ROR1: variants seen among roughly 807,000 people sequenced by gnomAD.
ROR1 encodes the protein inactive tyrosine-protein kinase transmembrane receptor ROR1.
ROR1 carries 19 observed loss-of-function variants against 78.8 expected under a neutral mutation model. That is an observed-to-expected ratio of 0.24 (90% CI 0.17 to 0.35). The LOEUF is 0.35. Ranked by LOEUF, ROR1 falls within the 10% of genes least tolerant of loss-of-function variation. ROR1 has a pLI of 1.00. For missense variants in ROR1, 917 were observed against 1,177.8 expected (o/e 0.78, Z 3.24); for synonymous variants, 386 against 433.6 (o/e 0.89, Z 1.36).
intron 1 of ROR1, among the ~76,000 whole-genome samples, chr1:63,896,042 C>T (rs1327647091): frequency 1.3e-5 from 2 of 152,092 alleles, no homozygotes; most frequent in African/African-American, 4.8e-5. Context: ...TGAACGCTTC[C>T]ACCTACAGTG....
chr1:63,987,730 C>T (rs1401097187), intron 1 of ROR1, among the ~76,000 whole-genome samples: 2 of 152,162 alleles, frequency 1.3e-5, no homozygotes, highest in African/African-American at 4.8e-5. Context: ...CTACCTCTGG[C>T]TTCAGTTAGC....
chr1:63,814,953 C>T (rs1196739134), intron 1 of ROR1, among the ~76,000 whole-genome samples: 2 of 152,218 alleles, frequency 1.3e-5, no homozygotes, highest in African/African-American at 2.4e-5. Context: ...TCAATTCCCT[C>T]CTATTCCGCT....
At chr1:64,052,307 A>G (rs908814705) in intron 4 of ROR1, among the ~76,000 whole-genome samples, 1 of 149,672 alleles carries the variant, frequency 6.7e-6, no homozygotes, top group Non-Finnish European at 1.5e-5. Flanking sequence ...CTGGTACCTT[A>G]TTTGTTCCTG....
At chr1:63,894,407 G>A (rs527800827) in intron 1 of ROR1, among the ~76,000 whole-genome samples, 1 of 152,298 alleles carries the variant, frequency 6.6e-6, no homozygotes, top group Non-Finnish European at 1.5e-5. Context: ...AAAGCAATTT[G>A]ATGGTGATAT....
intron 1 of ROR1, among the ~76,000 whole-genome samples, chr1:63,893,046 T>C (rs1481870650): frequency 1.3e-5 from 2 of 152,150 alleles, no homozygotes; most frequent in East Asian, 1.9e-4. Flanking sequence ...ATTTCTATGG[T>C]GTCAGCCGCA....
At chr1:64,123,028 G>C (rs1648597384) in intron 4 of ROR1, among the ~76,000 whole-genome samples, 1 of 152,142 alleles carries the variant, frequency 6.6e-6, no homozygotes, top group Non-Finnish European at 1.5e-5. Flanking sequence ...TTCCCTCACT[G>C]ATCCAGTAGA....
intron 4 of ROR1, among the ~76,000 whole-genome samples, chr1:64,067,272 C>T (rs1646963768): frequency 1.3e-5 from 2 of 151,728 alleles, no homozygotes; most frequent in South Asian, 4.2e-4. Context: ...ATCATGAGCC[C>T]AGGAGGCAGA....
intron 1 of ROR1, among the ~76,000 whole-genome samples, chr1:64,008,433 G>A (rs1646447640): frequency 6.6e-6 from 1 of 152,116 alleles, no homozygotes; most frequent in African/African-American, 2.4e-5. Flanking sequence ...ATATGATGCA[G>A]GTGTCTTTTT....
intron 1 of ROR1, chr1:63,775,442 TC>T (rs1456965780): frequency 6.6e-6 from 1 of 152,066 alleles, no homozygotes; most frequent in Non-Finnish European, 1.5e-5. Flanking sequence ...GATTAAAGTC[TC>T]CGGGGTCTCG....
At chr1:63,997,108 C>G (rs1268327700) in intron 1 of ROR1, among the ~76,000 whole-genome samples, 1 of 152,184 alleles carries the variant, frequency 6.6e-6, no homozygotes, top group Non-Finnish European at 1.5e-5. Flanking sequence ...AAGTGGGCTT[C>G]TCTTTGTAAA....
chr1:64,089,858 G>T (rs1353514499), intron 4 of ROR1, among the ~76,000 whole-genome samples: 2 of 152,128 alleles, frequency 1.3e-5, no homozygotes, highest in African/African-American at 4.8e-5. Context: ...GCAGAGACCT[G>T]GTGGGAGATA....
intron 1 of ROR1, among the ~76,000 whole-genome samples, chr1:63,866,804 A>G (rs1045470671): frequency 3.9e-5 from 6 of 152,186 alleles, no homozygotes; most frequent in African/African-American, 1.4e-4. Flanking sequence ...TGAGTTTGTC[A>G]TAGATTGTTT....
chr1:64,009,756 C>A (rs1177596809), intron 2 of ROR1, among the ~76,000 whole-genome samples: 1 of 152,140 alleles, frequency 6.6e-6, no homozygotes, highest in Non-Finnish European at 1.5e-5. Flanking sequence ...TCACGATGAG[C>A]ATTTGATGTG....
At chr1:63,860,602 CACAT>C (rs1274079102) in intron 1 of ROR1, among the ~76,000 whole-genome samples, 44 of 148,872 alleles carry the variant, frequency 3.0e-4, no homozygotes, top group Middle Eastern at 3.4e-3. Flanking sequence ...CACACACACA[CACAT>C]ACACACACAC....
Position 64,178,899 on chromosome 1 carries a change from G to A in ROR1, c.*44G>A, listed in dbSNP as rs752132101. On this transcript the variant is annotated 3_prime_UTR_variant, in exon 9 of 9. Coordinates refer to ENST00000371079, the MANE Select transcript of ROR1 (RefSeq NM_005012.4). This position sits in a 1 kb window ranked among gnomAD's most constrained non-coding sequence, Gnocchi z 4.3. ...ATGTGGTATACAGGACAAACTAGAC[G>A]GCCGTAGAAAAGATTTATATTCAAA... 4.9e-6 allele frequency: 7 copies of A among 1,419,422 alleles called. No homozygotes were observed. The highest frequency in any genetic ancestry group is 1.8e-4 in the Middle Eastern group (1 of 5,464). The allele number at this position is 1,419,422 out of a possible 1,614,324, so 87.9% of individuals were successfully genotyped here.
At chr1:64,174,169 A>G (rs1455597981) in intron 8 of ROR1, among the ~76,000 whole-genome samples, 1 of 152,200 alleles carries the variant, frequency 6.6e-6, no homozygotes, top group Admixed American at 6.5e-5. Flanking sequence ...TTACGTTCAT[A>G]CATCGTTGTA....
At chr1:63,833,990 C>CTTTTTT (rs71056008) in intron 1 of ROR1, among the ~76,000 whole-genome samples, 19 of 132,010 alleles carry the variant, frequency 1.4e-4, no homozygotes, top group African/African-American at 1.7e-4. Flanking sequence ...TCTTCTTCTT[C>CTTTTTT]TTTTTTTTTT....
At chr1:63,825,995 A>G (rs1054871145) in intron 1 of ROR1, among the ~76,000 whole-genome samples, 2 of 152,196 alleles carry the variant, frequency 1.3e-5, no homozygotes, top group African/African-American at 2.4e-5. Context: ...ACTGGGTTCC[A>G]GGGAATAGAG....
At chr1:63,964,287 C>T (rs1646056184) in intron 1 of ROR1, among the ~76,000 whole-genome samples, 2 of 152,210 alleles carry the variant, frequency 1.3e-5, no homozygotes, top group African/African-American at 4.8e-5. Flanking sequence ...CCAAACTGCA[C>T]TGTGTTTCTA....
Sources: allele counts gnomAD v4.1 joint callset (sites outside exome capture counted in the v4.1 genomes callset), GRCh38; gene constraint gnomAD v4.1.1; non-coding constraint Gnocchi (gnomAD v3.1); transcripts MANE v1.5; gene names NCBI Gene and HGNC (gene_info 2026-07-23, HGNC 2026-07-21).